ZNF407: variants seen among roughly 807,000 people sequenced by gnomAD.
ZNF407 encodes the protein zinc finger protein 407.
Under a neutral mutation model 131.2 loss-of-function variants are expected in ZNF407, and 17 were observed. That is an observed-to-expected ratio of 0.13 (90% CI 0.09 to 0.19). The LOEUF is 0.19. Among genes scored for constraint, ZNF407 ranks in the 10% least tolerant of loss-of-function variants. The pLI is 1.00. For missense variants in ZNF407, 2,681 were observed against 2,830.6 expected (o/e 0.95, Z 1.20); for synonymous variants, 1,156 against 1,062.0 (o/e 1.09, Z -1.72).
intron 8 of ZNF407, among the ~76,000 whole-genome samples, chr18:74,946,923 A>C (rs4891204): frequency 0.99 from 151,120 of 152,312 alleles, 74,980 homozygotes; most frequent in Middle Eastern, 1. Flanking sequence ...GAACTGATAG[A>C]CTTTCTGGTT....
In ZNF407 at chr18:74,631,296, A is replaced by G. The variant is rs371435667; in HGVS notation, c.277A>G (p.Arg93Gly). The G allele has an allele frequency of 1.9e-6, 3 of 1,613,902 alleles. No individual in the cohort carries two copies. The African/African-American group carries it at 4.0e-5, about 22-fold the overall frequency. ...TAAATCTGGAAAGCAAGGTATTTGT[A>G]GATTAGAAACTTCTGAGAGCTCAGT... is the stretch of plus-strand genomic sequence containing the variant. ...PLKSGKQGICRLETSESSVTE... is the reference protein window; with the variant it reads ...PLKSGKQGICGLETSESSVTE... Residue 93 changes from arginine (R) to glycine (G), a missense_variant, in exon 2 of 9, where the codon AGA (arginine) becomes GGA (glycine). Arg to Gly is a moderately radical substitution (Grantham distance 125, BLOSUM62 -2). Transcript: ENST00000299687.
intron 3 of ZNF407, among the ~76,000 whole-genome samples, chr18:74,718,361 A>C (rs1361148597): frequency 6.6e-6 from 1 of 151,852 alleles, no homozygotes; most frequent in Non-Finnish European, 1.5e-5. Flanking sequence ...TTCCTTTACA[A>C]AAAGGAAAAA....
intron 4 of ZNF407, among the ~76,000 whole-genome samples, chr18:74,857,334 GT>G (rs1205308521): frequency 1.3e-5 from 2 of 152,148 alleles, no homozygotes; most frequent in African/African-American, 2.4e-5. Context: ...ATGTTTAATA[GT>G]TTTTGAGAAT....
intron 4 of ZNF407, among the ~76,000 whole-genome samples, chr18:74,809,389 T>G (rs1199420279): frequency 6.6e-6 from 1 of 152,358 alleles, no homozygotes; most frequent in African/African-American, 2.4e-5. Context: ...CCTAATGTCA[T>G]GCTTTCTCTT....
chr18:74,812,318 C>G (rs1367419963), intron 4 of ZNF407, among the ~76,000 whole-genome samples: 1 of 152,188 alleles, frequency 6.6e-6, no homozygotes, highest in African/African-American at 2.4e-5. Flanking sequence ...ACATAGCACA[C>G]AAACTACTTA....
chr18:74,696,886 A>C (rs952771857), intron 3 of ZNF407, among the ~76,000 whole-genome samples: 2 of 152,284 alleles, frequency 1.3e-5, no homozygotes, highest in East Asian at 3.9e-4. Context: ...TTTTTTGTTA[A>C]GTTTTTCTAA....
At chr18:74,980,425 C>G (rs1972576705) in intron 8 of ZNF407, among the ~76,000 whole-genome samples, 1 of 152,028 alleles carries the variant, frequency 6.6e-6, no homozygotes, top group African/African-American at 2.4e-5. Flanking sequence ...CTGCCTCAGC[C>G]TCCCGAGTAG....
chr18:74,663,922 G>A (rs929673484), intron 3 of ZNF407, among the ~76,000 whole-genome samples: 1 of 152,178 alleles, frequency 6.6e-6, no homozygotes, highest in Non-Finnish European at 1.5e-5. Context: ...GTAGAGAGAC[G>A]CTGATGCCTG....
intron 3 of ZNF407, among the ~76,000 whole-genome samples, chr18:74,660,577 G>A (rs774394634): frequency 1.6e-4 from 25 of 152,016 alleles, no homozygotes; most frequent in Non-Finnish European, 2.9e-4. Context: ...GAAACTACAC[G>A]TTAGCAGACT....
At chr18:74,764,375 G>A (rs949952512) in intron 3 of ZNF407, among the ~76,000 whole-genome samples, 1 of 152,002 alleles carries the variant, frequency 6.6e-6, no homozygotes, top group African/African-American at 2.4e-5. Context: ...CTCATCTAAT[G>A]AATTTTTTTA....
At chr18:74,911,914 C>G (rs1008251422) in intron 7 of ZNF407, among the ~76,000 whole-genome samples, 1 of 152,094 alleles carries the variant, frequency 6.6e-6, no homozygotes, top group Non-Finnish European at 1.5e-5. Flanking sequence ...TGAGAATGCT[C>G]TTTGGGCGGT....
At chr18:74,794,141 G>A (rs963781221) in intron 4 of ZNF407, among the ~76,000 whole-genome samples, 2 of 152,140 alleles carry the variant, frequency 1.3e-5, no homozygotes, top group African/African-American at 4.8e-5. Flanking sequence ...TTTTCTCTCC[G>A]GGTGAGAACA....
chr18:74,667,962 C>T (rs991391393), intron 3 of ZNF407, among the ~76,000 whole-genome samples: 1 of 151,984 alleles, frequency 6.6e-6, no homozygotes, highest in Non-Finnish European at 1.5e-5. Context: ...TTGAGAAATT[C>T]ACTGAAGCAG....
At chr18:74,648,603 A>C (rs1985082976) in intron 3 of ZNF407, among the ~76,000 whole-genome samples, 2 of 152,292 alleles carry the variant, frequency 1.3e-5, no homozygotes, top group Non-Finnish European at 2.9e-5. Context: ...TTTTAAGAGA[A>C]TTTCACTATT....
chr18:74,967,217 A>C (rs1284144026), intron 8 of ZNF407, among the ~76,000 whole-genome samples: 1 of 152,250 alleles, frequency 6.6e-6, no homozygotes, highest in African/African-American at 2.4e-5. Context: ...GCTGCACTCC[A>C]TCCTGGGCGA....
At chr18:74,771,481 A>G (rs1969358730) in intron 3 of ZNF407, among the ~76,000 whole-genome samples, 1 of 152,106 alleles carries the variant, frequency 6.6e-6, no homozygotes, top group African/African-American at 2.4e-5. Flanking sequence ...ACCTGCTTAC[A>G]AACATATTTA....
intron 8 of ZNF407, among the ~76,000 whole-genome samples, chr18:75,027,748 G>A (rs889124768): frequency 6.6e-6 from 1 of 152,176 alleles, no homozygotes; most frequent in Non-Finnish European, 1.5e-5. Context: ...GACAGAGGCT[G>A]GTGGCAGCAC....
chr18:74,741,320 T>A (rs1968544364), intron 3 of ZNF407, among the ~76,000 whole-genome samples: 1 of 152,114 alleles, frequency 6.6e-6, no homozygotes, highest in Non-Finnish European at 1.5e-5. Flanking sequence ...GTATCTACAT[T>A]TGTGACGTGT....
At chr18:74,975,223 C>T (rs539388773) in intron 8 of ZNF407, among the ~76,000 whole-genome samples, 7 of 152,320 alleles carry the variant, frequency 4.6e-5, no homozygotes, top group African/African-American at 1.7e-4. Context: ...ATATTACCCA[C>T]GTGAGTCTGA....
Sources: gnomAD v4.1 joint callset for allele counts (sites outside exome capture counted in the v4.1 genomes callset) on GRCh38, gnomAD v4.1.1 for gene constraint, MANE v1.5 for transcripts, NCBI Gene and HGNC (gene_info 2026-07-23, HGNC 2026-07-21) for gene names.